Variants in MARCHF1 observed in about 807,000 individuals in gnomAD.
MARCHF1 encodes the protein membrane associated ring-CH-type finger 1.
In MARCHF1, 40 loss-of-function variants were observed where a neutral mutation model predicts 54.2. The ratio of observed to expected loss-of-function variants is 0.74; its 90% CI spans 0.57 to 0.96. The LOEUF (loss-of-function observed/expected upper bound fraction) is 0.96. Among genes scored for constraint, MARCHF1 ranks in the 40% least tolerant of loss-of-function variants. The pLI is 0.00. For synonymous variants in MARCHF1, 236 were observed against 236.3 expected (o/e 1.00, Z 0.01); for missense variants, 586 against 656.5 (o/e 0.89, Z 1.17).
intron 1 of MARCHF1, among the ~76,000 whole-genome samples, chr4:164,342,945 T>C (rs976355518): frequency 6.6e-6 from 1 of 151,882 alleles, no homozygotes; most frequent in African/African-American, 2.4e-5. Context: ...AAAGTCAAAT[T>C]CACAGAAATA....
chr4:164,321,725 G>A lies in MARCHF1; in HGVS notation c.-323+62145C>T, dbSNP rs80036980. On this transcript the variant is annotated intron_variant, in intron 1 of 9. Coordinates refer to ENST00000514618, the MANE Select transcript of MARCHF1 (RefSeq NM_001394959.1). ...AAGAGTCTGAGGGTATATTACCCAT[G>A]TACCCAACTTTTCAAACGATAGCAC... Among the ~76,000 whole-genome samples, 559 of 152,200 alleles carry A rather than the reference G, an allele frequency of 3.7e-3. 22 individuals are homozygous for A. The East Asian group carries it at 0.079, about 21-fold the overall frequency.
chr4:163,816,027 T>G (rs564600048), intron 4 of MARCHF1, among the ~76,000 whole-genome samples: 1 of 152,348 alleles, frequency 6.6e-6, no homozygotes, highest in East Asian at 1.9e-4. Flanking sequence ...ATTGTTTCTA[T>G]GGGTTACCAG....
intron 4 of MARCHF1, among the ~76,000 whole-genome samples, chr4:163,774,280 C>G (rs1747242571): frequency 6.6e-6 from 1 of 152,066 alleles, no homozygotes; most frequent in Admixed American, 6.6e-5. Context: ...ATGTTTTAAT[C>G]AAATATTTTC....
chr4:163,904,380 G>T (rs1751009617), intron 3 of MARCHF1, among the ~76,000 whole-genome samples: 1 of 152,134 alleles, frequency 6.6e-6, no homozygotes, highest in Non-Finnish European at 1.5e-5. Context: ...TTATATTAGG[G>T]CAGGGTTAGT....
intron 3 of MARCHF1, among the ~76,000 whole-genome samples, chr4:163,872,828 A>G (rs1750198108): frequency 6.6e-6 from 1 of 151,784 alleles, no homozygotes; most frequent in Non-Finnish European, 1.5e-5. Context: ...GCGGATCATG[A>G]GGTCAGGAAA....
intron 1 of MARCHF1, among the ~76,000 whole-genome samples, chr4:164,242,793 A>G (rs541450038): frequency 2.6e-5 from 4 of 152,286 alleles, no homozygotes; most frequent in African/African-American, 7.2e-5. Flanking sequence ...AGGAGTTGAT[A>G]GAGCTGAAAA....
At chr4:164,334,197 TA>T (rs1345712258) in intron 1 of MARCHF1, among the ~76,000 whole-genome samples, 2 of 152,168 alleles carry the variant, frequency 1.3e-5, no homozygotes, top group Non-Finnish European at 2.9e-5. Context: ...GTAGCTGCAC[TA>T]AACAACAGAT....
intron 1 of MARCHF1, among the ~76,000 whole-genome samples, chr4:164,272,160 C>T (rs1437112771): frequency 1.3e-5 from 2 of 151,950 alleles, no homozygotes; most frequent in Non-Finnish European, 2.9e-5. Context: ...CAGAAAATCT[C>T]GTCCATTACT....
At chr4:164,146,490 T>A (rs899486217) in intron 1 of MARCHF1, among the ~76,000 whole-genome samples, 45 of 152,186 alleles carry the variant, frequency 3.0e-4, no homozygotes, top group South Asian at 2.1e-3. Flanking sequence ...GATCAATGGA[T>A]CAGAACAGAG....
At chr4:163,686,487 G>A (rs553923828) in intron 5 of MARCHF1, among the ~76,000 whole-genome samples, 15 of 139,620 alleles carry the variant, frequency 1.1e-4, no homozygotes, top group Non-Finnish European at 1.6e-4. Context: ...TGAAAGAAAT[G>A]GCAAAACTCA....
intron 3 of MARCHF1, among the ~76,000 whole-genome samples, chr4:163,877,461 G>GT (rs71600643): frequency 0.2 from 27,476 of 137,438 alleles, 2,985 homozygotes; most frequent in South Asian, 0.33. Context: ...TGTGGGCACT[G>GT]TTTTTTTTTT....
chr4:164,366,416 T>G (rs1421556983), intron 1 of MARCHF1, among the ~76,000 whole-genome samples: 3 of 152,020 alleles, frequency 2.0e-5, no homozygotes, highest in Non-Finnish European at 4.4e-5. Context: ...TTTATAAAAT[T>G]AAAGAATAAC....
chr4:163,567,244 A>G (rs1041636162), intron 8 of MARCHF1, among the ~76,000 whole-genome samples: 2 of 152,164 alleles, frequency 1.3e-5, no homozygotes, highest in Non-Finnish European at 2.9e-5. Context: ...ATATTAAAAA[A>G]AAAGAACCCA....
At chr4:163,894,009 C>T (rs1579372367) in intron 3 of MARCHF1, among the ~76,000 whole-genome samples, 1 of 152,186 alleles carries the variant, frequency 6.6e-6, no homozygotes, top group African/African-American at 2.4e-5. Context: ...AATTCAAGCT[C>T]ACTTTATGAC....
chr4:164,094,406 C>T (rs1755365644), intron 2 of MARCHF1, among the ~76,000 whole-genome samples: 1 of 152,062 alleles, frequency 6.6e-6, no homozygotes, highest in South Asian at 2.1e-4. Context: ...CAAGGTGCAG[C>T]CAAGTTGGCC....
chr4:164,090,810 G>T (rs1054204463), intron 2 of MARCHF1, among the ~76,000 whole-genome samples: 3 of 152,082 alleles, frequency 2.0e-5, no homozygotes, highest in African/African-American at 4.8e-5. Flanking sequence ...CAGAAAGTTT[G>T]TGAGGCTTAA....
At position 164,087,317 on chromosome 4, in the gene MARCHF1, T is replaced by A. The variant is rs1204776374; in HGVS notation, c.-248+24271A>T. 2.6e-5 allele frequency among the ~76,000 whole-genome samples: 4 copies of A among 152,216 alleles called. No homozygotes were observed. In the East Asian group the frequency reaches 7.7e-4, roughly 29 times the overall value. On this transcript the variant is annotated intron_variant, in intron 2 of 9. Coordinates refer to ENST00000514618, the MANE Select transcript of MARCHF1 (RefSeq NM_001394959.1). ...ATGTATTGTCTAGAACCATCCCTTA[T>A]AGTGTGTACAGTATTCTTCATAAAT...
Position 163,723,694 on chromosome 4 carries a change from C to T in MARCHF1, c.112-22831G>A, listed in dbSNP as rs1399887987. Among the ~76,000 whole-genome samples the T allele has an allele frequency of 1.3e-5, 2 of 152,288 alleles. 1 individual carries two copies. The highest frequency in any genetic ancestry group is 4.1e-4 in the South Asian group (2 of 4,826). ...TGTAGATTTGGTCTTTTCACATAGTCCCATATTTCTTGGAGGCTTTGTTCA... is the reference window on the plus strand; with the variant it reads ...TGTAGATTTGGTCTTTTCACATAGTTCCATATTTCTTGGAGGCTTTGTTCA... On this transcript the variant is annotated intron_variant, in intron 4 of 9. Transcript: ENST00000514618.
intron 1 of MARCHF1, among the ~76,000 whole-genome samples, chr4:164,182,904 C>G (rs1730872227): frequency 6.6e-6 from 1 of 151,820 alleles, no homozygotes; most frequent in Non-Finnish European, 1.5e-5. Flanking sequence ...TAAAGAAAAA[C>G]CATTCATGTC....
Sources: allele counts gnomAD v4.1 joint callset (sites outside exome capture counted in the v4.1 genomes callset), GRCh38; gene constraint gnomAD v4.1.1; transcripts MANE v1.5; gene names NCBI Gene and HGNC (gene_info 2026-07-23, HGNC 2026-07-21).